ASIC2: variants seen among roughly 807,000 people sequenced by gnomAD.
The protein encoded by ASIC2 is acid-sensing ion channel 2.
A neutral mutation model predicts 57.3 loss-of-function variants in ASIC2; 25 were observed. The observed-to-expected ratio is 0.44, with a 90% CI of 0.32 to 0.61. ASIC2 has a LOEUF of 0.61. Ranked by LOEUF, ASIC2 falls within the 20% of genes least tolerant of loss-of-function variation. The probability of loss-of-function intolerance (pLI) is 0.06; values close to 1 mark genes in which losing one functional copy is unlikely to be tolerated. For synonymous variants in ASIC2, 319 were observed against 307.5 expected (o/e 1.04, Z -0.39); for missense variants, 641 against 738.1 (o/e 0.87, Z 1.52).
At chr17:33,523,306 G>T (rs1208514206) in intron 1 of ASIC2, among the ~76,000 whole-genome samples, 2 of 152,072 alleles carry the variant, frequency 1.3e-5, no homozygotes, top group Non-Finnish European at 2.9e-5. Flanking sequence ...GCCCAGGCTG[G>T]AGTGCAGTGA....
chr17:33,400,504 C>G (rs1430342219), intron 1 of ASIC2, among the ~76,000 whole-genome samples: 2 of 152,092 alleles, frequency 1.3e-5, no homozygotes, highest in Non-Finnish European at 2.9e-5. Context: ...TGTTGATGAC[C>G]TCTCCGACTC....
intron 1 of ASIC2, among the ~76,000 whole-genome samples, chr17:33,617,017 A>T (rs1905626961): frequency 6.6e-6 from 1 of 152,232 alleles, no homozygotes; most frequent in Non-Finnish European, 1.5e-5. Flanking sequence ...CCCTATATTA[A>T]ATACATTCCT....
chr17:33,453,748 A>G (rs1462897442), intron 1 of ASIC2, among the ~76,000 whole-genome samples: 1 of 151,998 alleles, frequency 6.6e-6, no homozygotes, highest in African/African-American at 2.4e-5. Context: ...CATCTCCCCA[A>G]ATTTACTTTG....
intron 1 of ASIC2, among the ~76,000 whole-genome samples, chr17:34,130,584 T>C (rs1002155069): frequency 6.6e-6 from 1 of 152,214 alleles, no homozygotes; most frequent in Admixed American, 6.5e-5. Context: ...TCTTATAAGC[T>C]TCAATGCCCA....
At chr17:33,422,710 C>T (rs7213646) in intron 1 of ASIC2, among the ~76,000 whole-genome samples, 53,749 of 151,956 alleles carry the variant, frequency 0.35, 10,134 homozygotes, top group East Asian at 0.74. Context: ...ATCCTAATGC[C>T]TCTTTTTTCC....
At chr17:33,884,924 C>T (rs1030077888) in intron 1 of ASIC2, among the ~76,000 whole-genome samples, 4 of 152,178 alleles carry the variant, frequency 2.6e-5, no homozygotes, top group South Asian at 2.1e-4. Context: ...GGAGTTCCGA[C>T]AAAGTGTAAA....
At chr17:33,573,815 C>A (rs185736517) in intron 1 of ASIC2, among the ~76,000 whole-genome samples, 3 of 152,334 alleles carry the variant, frequency 2.0e-5, no homozygotes, top group Admixed American at 2.0e-4. Context: ...ATCCACCCGC[C>A]TCGGCCTCCC....
chr17:33,800,205 A>G (rs1218313756), intron 1 of ASIC2, among the ~76,000 whole-genome samples: 2 of 152,126 alleles, frequency 1.3e-5, no homozygotes, highest in African/African-American at 4.8e-5. Context: ...AAGCTCTTAG[A>G]CCAGGACAAT....
intron 1 of ASIC2, among the ~76,000 whole-genome samples, chr17:33,135,048 G>A (rs62069664): frequency 0.042 from 6,323 of 152,206 alleles, 184 homozygotes; most frequent in East Asian, 0.086. Context: ...ACTGTGACTC[G>A]GAGAAGAAAG....
At chr17:33,117,789 C>G (rs963632969) in intron 1 of ASIC2, among the ~76,000 whole-genome samples, 1 of 152,094 alleles carries the variant, frequency 6.6e-6, no homozygotes, top group Non-Finnish European at 1.5e-5. Context: ...CTTCTATACT[C>G]GAAGGAAGTA....
intron 1 of ASIC2, among the ~76,000 whole-genome samples, chr17:33,902,475 A>G (rs1413632751): frequency 6.6e-6 from 1 of 152,216 alleles, no homozygotes; most frequent in Admixed American, 6.5e-5. Flanking sequence ...TTTAAAGTAG[A>G]TATCAAAATT....
intron 1 of ASIC2, among the ~76,000 whole-genome samples, chr17:33,591,529 G>A (rs1429267504): frequency 6.6e-6 from 1 of 152,184 alleles, no homozygotes; most frequent in Non-Finnish European, 1.5e-5. Context: ...GTAGCAGACA[G>A]CTGGTGTCTC....
chr17:33,658,067 C>T (rs779905735), intron 1 of ASIC2, among the ~76,000 whole-genome samples: 5 of 152,192 alleles, frequency 3.3e-5, no homozygotes, highest in African/African-American at 7.2e-5. Context: ...TTGCCTAGCC[C>T]TCACCTGAGG....
intron 1 of ASIC2, among the ~76,000 whole-genome samples, chr17:33,305,097 G>T (rs1261639045): frequency 6.6e-6 from 1 of 152,132 alleles, no homozygotes; most frequent in Non-Finnish European, 1.5e-5. Flanking sequence ...ATTAATTGAG[G>T]CTAGTAACGT....
At chr17:33,849,611 G>C (rs1303109947) in intron 1 of ASIC2, among the ~76,000 whole-genome samples, 5 of 152,182 alleles carry the variant, frequency 3.3e-5, no homozygotes, top group Admixed American at 6.5e-5. Context: ...ACTTGCCAGG[G>C]AGGAAGCCTT....
intron 1 of ASIC2, among the ~76,000 whole-genome samples, chr17:33,239,264 C>T (rs906617147): frequency 6.6e-6 from 1 of 152,010 alleles, no homozygotes; most frequent in Non-Finnish European, 1.5e-5. Context: ...GCACTCCAGC[C>T]TGGGCAACAG....
At chr17:34,038,718 T>C (rs1597987678) in intron 1 of ASIC2, 7 of 1,605,060 alleles carry the variant, frequency 4.4e-6, no homozygotes, top group Non-Finnish European at 6.0e-6. Flanking sequence ...AGTTTGAAGA[T>C]TTCTTCTTGT....
chr17:33,255,961 C>T (rs1404667620), intron 1 of ASIC2, among the ~76,000 whole-genome samples: 3 of 152,102 alleles, frequency 2.0e-5, no homozygotes, highest in Non-Finnish European at 4.4e-5. Context: ...TATTTTCCTC[C>T]ATTTGCTTTA....
chr17:33,791,065 G>T (rs79247330), intron 1 of ASIC2, among the ~76,000 whole-genome samples: 2,892 of 152,258 alleles, frequency 0.019, 40 homozygotes, highest in Middle Eastern at 0.031. Flanking sequence ...ATGAGTGACA[G>T]CACTGGATGG....
Sources: allele counts gnomAD v4.1 joint callset (sites outside exome capture counted in the v4.1 genomes callset), GRCh38; gene constraint gnomAD v4.1.1; transcripts MANE v1.5; gene names NCBI Gene and HGNC (gene_info 2026-07-23, HGNC 2026-07-21).